The following CFAP299 variants were observed in gnomAD, a reference collection of about 807,000 sequenced individuals.
CFAP299 encodes the protein cilia- and flagella-associated protein 299.
A neutral mutation model predicts 27.0 loss-of-function variants in CFAP299; 21 were observed. The ratio of observed to expected loss-of-function variants is 0.78; its 90% confidence interval spans 0.55 to 1.12. The LOEUF (loss-of-function observed/expected upper bound fraction) is 1.12, where lower values mean the gene tolerates loss of function less well. CFAP299 is among the 50% of genes most tolerant of loss of function. The pLI is 0.00. For missense variants in CFAP299, 310 were observed against 276.6 expected, an observed-to-expected ratio of 1.12 and a Z score of -0.86; for synonymous variants, 104 against 98.1, an observed-to-expected ratio of 1.06 and a Z score of -0.36.
At chr4:80,754,290 A>G (rs1466441526) in intron 3 of CFAP299, among the ~76,000 whole-genome samples, 1 of 152,116 alleles carries the variant, frequency 6.6e-6, no homozygotes, top group Non-Finnish European at 1.5e-5. Context: ...CTCCACCCTC[A>G]CATTTAGGTC....
At chr4:80,608,490 TACTC>T in intron 3 of CFAP299, 1 of 589,774 alleles carries the variant, frequency 1.7e-6, no homozygotes, top group Non-Finnish European at 3.0e-6. Flanking sequence ...TTTTCCGAAT[TACTC>T]ACCAGCTTGA....
chr4:80,767,568 C>A (rs1725952685), intron 3 of CFAP299, among the ~76,000 whole-genome samples: 1 of 152,170 alleles, frequency 6.6e-6, no homozygotes, highest in African/African-American at 2.4e-5. Context: ...GAGATCGCCC[C>A]ACTGCACTCC....
At chr4:80,499,614 C>T (rs1731642466) in intron 2 of CFAP299, among the ~76,000 whole-genome samples, 1 of 152,012 alleles carries the variant, frequency 6.6e-6, no homozygotes, top group Non-Finnish European at 1.5e-5. Context: ...TTTTCCTACT[C>T]ACCTAAGTGG....
chr4:80,852,124 C>T (rs911672241), intron 3 of CFAP299, among the ~76,000 whole-genome samples: 2 of 152,142 alleles, frequency 1.3e-5, no homozygotes, highest in South Asian at 2.1e-4. Context: ...TCCTTCCCGC[C>T]TTCTCTTCCC....
At chr4:80,506,203 T>TTAGGACTGAC (rs1434085612) in intron 2 of CFAP299, among the ~76,000 whole-genome samples, 1 of 152,016 alleles carries the variant, frequency 6.6e-6, no homozygotes, top group East Asian at 1.9e-4. Flanking sequence ...CTGAGTTATG[T>TTAGGACTGAC]TGGTTAGGTA....
chr4:80,855,405 T>C (rs1731793375), intron 3 of CFAP299, among the ~76,000 whole-genome samples: 1 of 151,920 alleles, frequency 6.6e-6, no homozygotes. Flanking sequence ...TTTATTTATT[T>C]ATTTATTTTT....
intron 4 of CFAP299, among the ~76,000 whole-genome samples, chr4:80,893,267 G>T (rs1173674872): frequency 1.3e-5 from 2 of 151,358 alleles, no homozygotes; most frequent in African/African-American, 4.8e-5. Flanking sequence ...CATGTTTATG[G>T]ATTGAAAAAA....
At chr4:80,499,968 ATTT>A (rs370256415) in intron 2 of CFAP299, among the ~76,000 whole-genome samples, 3 of 142,606 alleles carry the variant, frequency 2.1e-5, no homozygotes, top group African/African-American at 8.4e-5. Flanking sequence ...TATTAACTTC[ATTT>A]TTTTTTTGTT....
chr4:80,487,162 C>T (rs2110133657), intron 2 of CFAP299, among the ~76,000 whole-genome samples: 1 of 152,262 alleles, frequency 6.6e-6, no homozygotes, highest in African/African-American at 2.4e-5. Flanking sequence ...AACTCAACTC[C>T]CTTTAACAAG....
intron 3 of CFAP299, among the ~76,000 whole-genome samples, chr4:80,604,900 A>AAAC (rs1333903029): frequency 6.6e-6 from 1 of 151,754 alleles, no homozygotes; most frequent in East Asian, 1.9e-4. Flanking sequence ...CAGAAAAAAA[A>AAAC]AAAACATGTA....
At chr4:80,942,140 G>A (rs975479835) in intron 4 of CFAP299, among the ~76,000 whole-genome samples, 6 of 152,242 alleles carry the variant, frequency 3.9e-5, no homozygotes, top group Non-Finnish European at 5.9e-5. Context: ...TTGCTATTAC[G>A]CGGCTACACT....
chr4:80,936,960 G>C (rs980711911), intron 4 of CFAP299, among the ~76,000 whole-genome samples: 1 of 151,830 alleles, frequency 6.6e-6, no homozygotes, highest in Non-Finnish European at 1.5e-5. Context: ...TATCTGTTAG[G>C]TCCCTTTGTA....
At chr4:80,588,634 TC>T (rs1736568205) in intron 3 of CFAP299, among the ~76,000 whole-genome samples, 1 of 149,854 alleles carries the variant, frequency 6.7e-6, no homozygotes, top group Non-Finnish European at 1.5e-5. Flanking sequence ...TAAAAAGCTT[TC>T]CCAGTTAAAT....
chr4:80,579,876 C>T (rs994641505), intron 2 of CFAP299, among the ~76,000 whole-genome samples: 1 of 152,004 alleles, frequency 6.6e-6, no homozygotes, highest in Non-Finnish European at 1.5e-5. Flanking sequence ...GTGATCATTA[C>T]CTTTTGTGCT....
intron 2 of CFAP299, among the ~76,000 whole-genome samples, chr4:80,398,594 A>G (rs1229931381): frequency 1.4e-5 from 2 of 143,594 alleles, no homozygotes; most frequent in African/African-American, 5.0e-5. Context: ...TGGGGAAAGG[A>G]TTCCCTATTT....
chr4:80,877,760 T>C lies in CFAP299; in HGVS notation c.476+7625T>C, dbSNP rs1231276775. Among the ~76,000 whole-genome samples, 3 of 152,298 alleles carry C rather than the reference T, an allele frequency of 2.0e-5. No homozygotes were observed. In the East Asian group the frequency reaches 5.8e-4, roughly 29 times the overall value. On this transcript the variant is annotated intron_variant, in intron 4 of 5. Coordinates refer to ENST00000358105, the MANE Select transcript of CFAP299 (RefSeq NM_152770.3). ...ACATTCAAATTTTTGTGCAACTTTT[T>C]CAACTTTTTATTATTAATTTTTTTT...
Position 80,682,126 on chromosome 4 carries a change from T to A in CFAP299, c.333+98943T>A, listed in dbSNP as rs1719879619. On this transcript the variant is annotated intron_variant, in intron 3 of 5. Transcript: ENST00000358105. ...GTGTTTTCAGATTTATTCTGTGGGA[T>A]CTGCCCGCTTTTTCTCTGGACAATA... 2.0e-5 allele frequency among the ~76,000 whole-genome samples: 3 copies of A among 152,240 alleles called. No homozygotes were observed. The South Asian group carries it at 6.2e-4, about 32-fold the overall frequency.
intron 2 of CFAP299, among the ~76,000 whole-genome samples, chr4:80,436,297 C>CTTTT (rs781551098): frequency 7.3e-6 from 1 of 136,426 alleles, no homozygotes; most frequent in African/African-American, 2.7e-5. Context: ...TGTGGGATAT[C>CTTTT]TTTTTTTTTT....
At chr4:80,504,211 T>C (rs1358727588) in intron 2 of CFAP299, among the ~76,000 whole-genome samples, 8 of 151,470 alleles carry the variant, frequency 5.3e-5, no homozygotes, top group Non-Finnish European at 1.0e-4. Flanking sequence ...ATGAAGTTGG[T>C]GGTAGAGAGA....
Sources: allele counts gnomAD v4.1 joint callset (sites outside exome capture counted in the v4.1 genomes callset), GRCh38; gene constraint gnomAD v4.1.1; transcripts MANE v1.5; gene names NCBI Gene and HGNC (gene_info 2026-07-23, HGNC 2026-07-21).